Variants in VAMP8 observed in about 807,000 individuals in gnomAD.
The protein encoded by VAMP8 is vesicle-associated membrane protein 8.
A neutral mutation model predicts 11.4 loss-of-function variants in VAMP8; 9 were observed. The observed-to-expected ratio is 0.79, with a 90% confidence interval of 0.48 to 1.38. The LOEUF is 1.38. Ranked by LOEUF, VAMP8 falls within the 40% of genes most tolerant of loss-of-function variation. VAMP8 has a pLI of 0.00. For synonymous variants in VAMP8, 42 were observed against 44.7 expected (o/e 0.94, Z 0.24); for missense variants, 108 against 127.8 (o/e 0.85, Z 0.75).
At chr2:85,580,807 C>G (rs1465945181) in intron 2 of VAMP8, among the ~76,000 whole-genome samples, 4 of 151,492 alleles carry the variant, frequency 2.6e-5, no homozygotes, top group African/African-American at 9.7e-5. Flanking sequence ...GCTGGGATTA[C>G]AGGCGTCTGC....
At chr2:85,579,970 T>C in intron 2 of VAMP8, 2 of 1,470,028 alleles carry the variant, frequency 1.4e-6, no homozygotes, top group Non-Finnish European at 1.8e-6. Flanking sequence ...TTTTTTTTTT[T>C]TTTTAGACAG....
chr2:85,578,740 T>G (rs951519868), intron 1 of VAMP8, among the ~76,000 whole-genome samples: 1 of 152,188 alleles, frequency 6.6e-6, no homozygotes, highest in African/African-American at 2.4e-5. Context: ...AGGGATTTAG[T>G]GATGTGCTGC....
intron 2 of VAMP8, chr2:85,579,992 G>C: frequency 7.1e-7 from 1 of 1,416,540 alleles, no homozygotes; most frequent in Non-Finnish European, 9.3e-7. Context: ...GCCTCACTCT[G>C]TTGCCCAGGT....
At chr2:85,579,211 G>C (rs751352802) in intron 2 of VAMP8, 44 bp downstream of exon 2, 1 of 1,509,474 alleles carries the variant, frequency 6.6e-7, no homozygotes, top group Non-Finnish European at 8.9e-7. Context: ...AACAGGGAGG[G>C]AGGGAATTTC....
intron 2 of VAMP8, 142 bp from the exon 3 acceptor site, chr2:85,581,434 C>T (rs1435173028): frequency 2.0e-5 from 21 of 1,032,224 alleles, no homozygotes; most frequent in Middle Eastern, 3.1e-4. Context: ...GAGCCAAGAT[C>T]GAGCCACTGC....
chr2:85,580,606 C>A (rs1672360052), intron 2 of VAMP8, among the ~76,000 whole-genome samples: 1 of 151,880 alleles, frequency 6.6e-6, no homozygotes, highest in African/African-American at 2.4e-5. Flanking sequence ...AAATTTCAAC[C>A]CGGCCTTCCA....
intron 1 of VAMP8, among the ~76,000 whole-genome samples, chr2:85,578,494 A>T (rs1672317510): frequency 6.6e-6 from 1 of 152,182 alleles, no homozygotes; most frequent in Non-Finnish European, 1.5e-5. Flanking sequence ...CAGCAATGGC[A>T]TTGCGGCCAG....
chr2:85,579,963 T>TA, intron 2 of VAMP8: 3 of 1,471,748 alleles, frequency 2.0e-6, no homozygotes, highest in Non-Finnish European at 2.7e-6. Flanking sequence ...CGGGAATTTT[T>TA]TTTTTTTTTT....
At chr2:85,581,459 G>C in intron 2 of VAMP8, 117 bp from the exon 3 acceptor site, 1 of 1,299,038 alleles carries the variant, frequency 7.7e-7, no homozygotes, top group Non-Finnish European at 1.0e-6. Flanking sequence ...GTGACAGAGC[G>C]AGACTCCATC....
intron 2 of VAMP8, chr2:85,579,852 C>T (rs551572655): frequency 6.4e-7 from 1 of 1,550,630 alleles, no homozygotes; most frequent in Non-Finnish European, 8.7e-7. Flanking sequence ...TTTCTGAGTC[C>T]TGTGTGAACT....
chr2:85,581,464 T>A, intron 2 of VAMP8, 112 bp from the exon 3 acceptor site: 4 of 1,334,148 alleles, frequency 3.0e-6, no homozygotes, highest in Non-Finnish European at 4.0e-6. Context: ...AGAGCGAGAC[T>A]CCATCTCAAA....
chr2:85,581,494 C>A, intron 2 of VAMP8, 82 bp from the exon 3 acceptor site: 1 of 1,538,444 alleles, frequency 6.5e-7, no homozygotes. Context: ...AAAGTATGGC[C>A]TGTGGGCTGC....
rs559653696 is a variant in VAMP8 at position 85,578,850 on chromosome 2, G to T, written c.4-159G>T. 8.5e-5 allele frequency among the ~76,000 whole-genome samples: 13 copies of T among 152,228 alleles called. No individual in the cohort carries two copies. The East Asian group carries it at 1.2e-3, about 14-fold the overall frequency. ...GGGGCTTACAAATGCATTTATTTTT[G>T]ATTACAGAAGTAATACATGAAAACA... On this transcript the variant is annotated intron_variant, in intron 1 of 2. Coordinates refer to ENST00000263864, the MANE Select transcript of VAMP8 (RefSeq NM_003761.5).
intron 2 of VAMP8, among the ~76,000 whole-genome samples, chr2:85,580,876 C>T (rs944820872): frequency 2.6e-5 from 4 of 151,730 alleles, no homozygotes; most frequent in African/African-American, 9.7e-5. Context: ...ACAATGTTGG[C>T]TAGGCTGGTC....
intron 1 of VAMP8, 25 bp downstream of exon 1, chr2:85,577,674 G>A (rs1229396463): frequency 1.3e-6 from 2 of 1,551,970 alleles, no homozygotes; most frequent in Non-Finnish European, 1.7e-6. Flanking sequence ...AACTAGGAAA[G>A]GGCTGGTTTA....
intron 1 of VAMP8, 127 bp downstream of exon 1, chr2:85,577,776 A>G (rs1672305703): frequency 8.3e-6 from 11 of 1,323,332 alleles, no homozygotes; most frequent in Non-Finnish European, 1.1e-5. Flanking sequence ...CAGTGCTGCT[A>G]TGGCCTCTCT....
At chr2:85,580,647 G>A (rs1367684164) in intron 2 of VAMP8, among the ~76,000 whole-genome samples, 1 of 151,352 alleles carries the variant, frequency 6.6e-6, no homozygotes, top group Non-Finnish European at 1.5e-5. Context: ...TGTCAAGGTA[G>A]GCAGATACAG....
At chr2:85,580,743 T>C (rs1483469302) in intron 2 of VAMP8, among the ~76,000 whole-genome samples, 1 of 145,598 alleles carries the variant, frequency 6.9e-6, no homozygotes, top group Non-Finnish European at 1.5e-5. Flanking sequence ...CTCGGCTCAC[T>C]GCAACCTCCG....
intron 2 of VAMP8, among the ~76,000 whole-genome samples, chr2:85,581,375 T>C (rs577349552): frequency 1.3e-5 from 2 of 151,212 alleles, no homozygotes; most frequent in South Asian, 4.2e-4. Context: ...AGCTACTCAG[T>C]AGGCTGAGGC....
Sources: gnomAD v4.1 joint callset for allele counts (sites outside exome capture counted in the v4.1 genomes callset) on GRCh38, gnomAD v4.1.1 for gene constraint, MANE v1.5 for transcripts, NCBI Gene and HGNC (gene_info 2026-07-23, HGNC 2026-07-21) for gene names.